CYB5R4: variants seen among roughly 807,000 people sequenced by gnomAD.
The protein encoded by CYB5R4 is cytochrome b5 reductase 4.
In CYB5R4, 55 loss-of-function variants were observed where a neutral mutation model predicts 70.2. The observed-to-expected ratio is 0.78, with a 90% CI of 0.63 to 0.98. CYB5R4 has a LOEUF of 0.98. Among genes scored for constraint, CYB5R4 ranks in the 50% least tolerant of loss-of-function variants. The pLI, the probability that CYB5R4 is intolerant of heterozygous loss-of-function variation, is 0.00. For synonymous variants in CYB5R4, 197 were observed against 199.5 expected (o/e 0.99, Z 0.11); for missense variants, 562 against 612.6 (o/e 0.92, Z 0.87).
intron 14 of CYB5R4, among the ~76,000 whole-genome samples, chr6:83,953,454 A>G (rs1406454622): frequency 1.3e-5 from 2 of 151,790 alleles, no homozygotes; most frequent in Non-Finnish European, 2.9e-5. Flanking sequence ...AGTTGCAGGC[A>G]TTTTCTTTAG....
intron 2 of CYB5R4, among the ~76,000 whole-genome samples, chr6:83,892,493 A>C (rs937801661): frequency 6.6e-6 from 1 of 152,178 alleles, no homozygotes; most frequent in Non-Finnish European, 1.5e-5. Flanking sequence ...TCTGGTATCT[A>C]TCTAGTTTTC....
rs6915434 is a variant in CYB5R4 at position 83,961,688 on chromosome 6, C to T, written c.*1810C>T. On this transcript the variant is annotated 3_prime_UTR_variant, in exon 16 of 16. Transcript: ENST00000369681. Reference sequence around the variant, plus strand: ...TTCTTTATAGCAGTGTGAAAATAGACTAATATAAAAAGAGACTATTTACCA... The same window carrying T: ...TTCTTTATAGCAGTGTGAAAATAGATTAATATAAAAAGAGACTATTTACCA... 4 of 151,970 alleles carry T rather than the reference C, an allele frequency of 2.6e-5. No homozygotes were observed. The highest frequency in any genetic ancestry group is 9.7e-5 in the African/African-American group (4 of 41,376). The allele number at this position is 151,970 out of a possible 1,614,324, so 9.4% of individuals were successfully genotyped here.
intron 2 of CYB5R4, among the ~76,000 whole-genome samples, chr6:83,866,389 A>G (rs1038711740): frequency 6.6e-6 from 1 of 152,166 alleles, no homozygotes; most frequent in Admixed American, 6.5e-5. Flanking sequence ...TTTGCATTAT[A>G]TACTTACTGG....
chr6:83,931,778 TTC>T (rs1322359603), intron 10 of CYB5R4, among the ~76,000 whole-genome samples: 1 of 143,352 alleles, frequency 7.0e-6, no homozygotes. Flanking sequence ...TGCTTTATAC[TTC>T]TTTTTTGTTT....
At chr6:83,886,013 C>A (rs1016287670) in intron 2 of CYB5R4, among the ~76,000 whole-genome samples, 1 of 152,090 alleles carries the variant, frequency 6.6e-6, no homozygotes, top group African/African-American at 2.4e-5. Context: ...TAACGGAATA[C>A]CTGAAACTGG....
intron 3 of CYB5R4, among the ~76,000 whole-genome samples, chr6:83,900,150 A>G (rs1306778608): frequency 1.3e-5 from 2 of 152,152 alleles, no homozygotes; most frequent in East Asian, 3.9e-4. Context: ...GTGTCCCAGA[A>G]ATTCTGGTAT....
chr6:83,885,952 C>T (rs1030869737), intron 2 of CYB5R4, among the ~76,000 whole-genome samples: 2 of 152,174 alleles, frequency 1.3e-5, no homozygotes, highest in Non-Finnish European at 2.9e-5. Flanking sequence ...TTAATAGCAA[C>T]ATTCTTCATG....
At chr6:83,871,829 C>G (rs2099457683) in intron 2 of CYB5R4, among the ~76,000 whole-genome samples, 1 of 151,846 alleles carries the variant, frequency 6.6e-6, no homozygotes, top group South Asian at 2.1e-4. Context: ...ATGATATACC[C>G]TATATATCCT....
At chr6:83,920,610 T>C (rs1431032500) in intron 7 of CYB5R4, among the ~76,000 whole-genome samples, 1 of 151,924 alleles carries the variant, frequency 6.6e-6, no homozygotes, top group East Asian at 1.9e-4. Flanking sequence ...TCTAAAAATA[T>C]GTTAGTGAAT....
intron 3 of CYB5R4, among the ~76,000 whole-genome samples, chr6:83,901,101 C>CCGGTT (rs1386629874): frequency 2.9e-5 from 4 of 138,378 alleles, no homozygotes; most frequent in Non-Finnish European, 6.3e-5. Flanking sequence ...GTGGCTGGTG[C>CCGGTT]CGGTTGTTCC....
At chr6:83,860,254 A>G (rs920744720) in intron 1 of CYB5R4, among the ~76,000 whole-genome samples, 2 of 150,076 alleles carry the variant, frequency 1.3e-5, no homozygotes, top group African/African-American at 4.9e-5. Context: ...GTACCACATC[A>G]CTCGATGTGG....
At chr6:83,886,119 T>C (rs1488097883) in intron 2 of CYB5R4, among the ~76,000 whole-genome samples, 1 of 152,184 alleles carries the variant, frequency 6.6e-6, no homozygotes, top group African/African-American at 2.4e-5. Flanking sequence ...TTCTTGCTAG[T>C]GGGGACTCCC....
At chr6:83,896,882 TC>T (rs2099461988) in intron 3 of CYB5R4, among the ~76,000 whole-genome samples, 1 of 152,140 alleles carries the variant, frequency 6.6e-6, no homozygotes, top group South Asian at 2.1e-4. Flanking sequence ...TAATTTACAT[TC>T]CCAACAACAG....
chr6:83,938,222 C>T (rs1035907127), intron 12 of CYB5R4, among the ~76,000 whole-genome samples: 9 of 152,050 alleles, frequency 5.9e-5, no homozygotes, highest in African/African-American at 9.7e-5. Flanking sequence ...GAAGGACTGA[C>T]GCATGATTGT....
chr6:83,872,209 A>C (rs1203606589), intron 2 of CYB5R4, among the ~76,000 whole-genome samples: 3 of 152,252 alleles, frequency 2.0e-5, no homozygotes, highest in Non-Finnish European at 2.9e-5. Context: ...TGTATTACCC[A>C]GTCACATAAT....
At chr6:83,907,705 A>G (rs1588572264) in intron 3 of CYB5R4, among the ~76,000 whole-genome samples, 1 of 152,094 alleles carries the variant, frequency 6.6e-6, no homozygotes, top group African/African-American at 2.4e-5. Flanking sequence ...TTTAGCTCCC[A>G]CTTGTAAGTG....
intron 10 of CYB5R4, among the ~76,000 whole-genome samples, chr6:83,928,506 AAAAAC>A (rs1405026260): frequency 3.9e-5 from 6 of 152,188 alleles, no homozygotes; most frequent in African/African-American, 1.4e-4. Context: ...TTCAGAAAAA[AAAAAC>A]AAAACAAAAA....
At chr6:83,908,933 GT>G in intron 3 of CYB5R4, 75 bp from the exon 4 acceptor site, 5 of 1,241,868 alleles carry the variant, frequency 4.0e-6, no homozygotes, top group Non-Finnish European at 5.9e-6. Context: ...AGAAAGTTTA[GT>G]TTTGCTCGTA....
chr6:83,893,918 A>T (rs1357378671), intron 3 of CYB5R4, among the ~76,000 whole-genome samples: 1 of 152,168 alleles, frequency 6.6e-6, no homozygotes, highest in Admixed American at 6.5e-5. Context: ...TGATCGGCTT[A>T]TGGGAGGTAG....
Sources: allele counts gnomAD v4.1 joint callset (sites outside exome capture counted in the v4.1 genomes callset), GRCh38; gene constraint gnomAD v4.1.1; transcripts MANE v1.5; gene names NCBI Gene and HGNC (gene_info 2026-07-23, HGNC 2026-07-21).